The following RNF168 variants were observed in gnomAD, a reference collection of about 807,000 sequenced individuals.
The protein encoded by RNF168 is ring finger protein 168.
RNF168 carries 34 observed loss-of-function variants against 34.9 expected under a neutral mutation model. That is an observed-to-expected ratio of 0.97 (90% confidence interval 0.74 to 1.30). RNF168 has a LOEUF of 1.30. RNF168 is among the 50% of genes most tolerant of loss of function. RNF168 has a pLI of 0.00. For synonymous variants in RNF168, 264 were observed against 254.7 expected (o/e 1.04, Z -0.35); for missense variants, 725 against 682.5 (o/e 1.06, Z -0.69).
In RNF168 at chr3:196,472,088, G is replaced by C; in HGVS notation, c.1447C>G (p.Pro483Ala). The C allele has an allele frequency of 6.2e-7, 1 of 1,613,522 alleles. No homozygotes were observed. The highest frequency in any genetic ancestry group is 2.2e-5 in the East Asian group (1 of 44,886). ...CTCTGTCCATTTAGCACTTTGTCTG[G>C]AGGGGAGGATGTAGCGCGTAAGTGA... ...EYHLRATSSP[P>A]DKVLNGQRKN... Residue 483 changes from proline to alanine, a missense_variant, in exon 6 of 6, where the codon CCA (proline) becomes GCA (alanine). Physicochemically the swap from Pro to Ala is conservative, Grantham distance 27 (BLOSUM62 -1). Transcript: ENST00000318037.
At chr3:196,498,660 C>T (rs772276241) in intron 1 of RNF168, among the ~76,000 whole-genome samples, 2 of 152,052 alleles carry the variant, frequency 1.3e-5, no homozygotes, top group Non-Finnish European at 2.9e-5. Flanking sequence ...ACAGCATAGT[C>T]AATGGTGGAA....
At position 196,488,635 on chromosome 3, in the gene RNF168, C is replaced by T. The variant is rs759194563; in HGVS notation, c.350G>A (p.Arg117Lys). ...VRLLSKPGEL[R>K]REYEEEISKV... Reference sequence around the variant, plus strand: ...GCTTATTTCCTCTTCATATTCTCTTCTCAGTTCCCCAGGTTTACTGAGCAG... The same window carrying T: ...GCTTATTTCCTCTTCATATTCTCTTTTCAGTTCCCCAGGTTTACTGAGCAG... Residue 117 changes from arginine (R) to lysine (K), a missense_variant, in exon 2 of 6, where the codon AGA becomes AAA. Coordinates refer to ENST00000318037, the MANE Select transcript of RNF168 (RefSeq NM_152617.4). 2.5e-6 allele frequency: 4 copies of T among 1,607,506 alleles called. No homozygotes were observed. In the East Asian group the frequency reaches 8.9e-5, roughly 36 times the overall value.
chr3:196,500,843 C>G (rs1732864699), intron 1 of RNF168, among the ~76,000 whole-genome samples: 1 of 151,812 alleles, frequency 6.6e-6, no homozygotes, highest in African/African-American at 2.4e-5. Flanking sequence ...TCCCGAGTAG[C>G]TGGGACTACA....
Position 196,470,943 on chromosome 3 carries a change from C to T in RNF168, c.*876G>A, listed in dbSNP as rs1731983471. On this transcript the variant is annotated 3_prime_UTR_variant, in exon 6 of 6. Coordinates refer to ENST00000318037, the MANE Select transcript of RNF168 (RefSeq NM_152617.4). ...CTATAATCCCAGCACTCTGGGAGGC[C>T]GAAGCAGGTGGATCACCTGAGGACA... 1 of 151,232 alleles carries T rather than the reference C, an allele frequency of 6.6e-6. No individual in the cohort carries two copies. 9.4% of individuals were successfully genotyped at this position (151,232 alleles called of 1,614,324 possible). A position where few individuals can be genotyped will look rare whatever the true frequency, so the allele number is the denominator to read the frequency against.
At chr3:196,490,017 C>CA (rs1732556028) in intron 1 of RNF168, among the ~76,000 whole-genome samples, 1 of 152,222 alleles carries the variant, frequency 6.6e-6, no homozygotes. Context: ...TGGCAAAGCA[C>CA]AAAGGCCAGG....
intron 4 of RNF168, among the ~76,000 whole-genome samples, chr3:196,479,079 C>G (rs1321090208): frequency 6.6e-6 from 1 of 150,624 alleles, no homozygotes; most frequent in Non-Finnish European, 1.5e-5. Flanking sequence ...GGTGCAGTCT[C>G]AGCTCACTGC....
intron 2 of RNF168, among the ~76,000 whole-genome samples, chr3:196,487,912 T>C (rs942035555): frequency 2.0e-5 from 3 of 152,212 alleles, no homozygotes; most frequent in African/African-American, 7.2e-5. Context: ...TGCTTCACTA[T>C]AAACACTGCT....
chr3:196,486,024 G>A (rs1577515486), intron 3 of RNF168, among the ~76,000 whole-genome samples: 1 of 152,104 alleles, frequency 6.6e-6, no homozygotes, highest in African/African-American at 2.4e-5. Context: ...TGCCAGGCTC[G>A]TTCAAACCAC....
At chr3:196,484,427 G>A (rs1468671838) in intron 3 of RNF168, among the ~76,000 whole-genome samples, 2 of 149,284 alleles carry the variant, frequency 1.3e-5, no homozygotes. Flanking sequence ...GCCTGCCTCG[G>A]CCTCCCAAAG....
chr3:196,501,282 TTCGTA>T (rs1732878621), intron 1 of RNF168, among the ~76,000 whole-genome samples: 1 of 152,284 alleles, frequency 6.6e-6, no homozygotes, highest in South Asian at 2.1e-4. Flanking sequence ...TACATAAATG[TTCGTA>T]TCGCCAGTAT....
Position 196,472,345 on chromosome 3 carries a change from G to C in RNF168, c.1190C>G (p.Ala397Gly). ...KRKNQESSFE[A>G]VKDPCFSAKR... ...TGCAGAAAAGCATGGATCCTTGACTGCTTCAAAGGAAGATTCTTGGTTTTT... is the reference window on the plus strand; with the variant it reads ...TGCAGAAAAGCATGGATCCTTGACTCCTTCAAAGGAAGATTCTTGGTTTTT... Residue 397 changes from alanine to glycine, a missense_variant, in exon 6 of 6, where the codon GCA becomes GGA. Transcript: ENST00000318037. 6.2e-7 allele frequency: 1 copy of C among 1,614,016 alleles called. No homozygotes were observed. The highest frequency in any genetic ancestry group is 1.1e-5 in the South Asian group (1 of 91,064).
chr3:196,495,635 C>T (rs961902506), intron 1 of RNF168, among the ~76,000 whole-genome samples: 1 of 152,172 alleles, frequency 6.6e-6, no homozygotes, highest in Non-Finnish European at 1.5e-5. Context: ...CCATGGATAA[C>T]GTTAACTGTG....
chr3:196,489,395 C>T (rs1472235663), intron 1 of RNF168, among the ~76,000 whole-genome samples: 1 of 151,588 alleles, frequency 6.6e-6, no homozygotes, highest in African/African-American at 2.4e-5. Context: ...GGTGCAATCT[C>T]AGCTCACTGC....
intron 4 of RNF168, among the ~76,000 whole-genome samples, chr3:196,475,552 C>CTTTTT (rs771089639): frequency 4.5e-5 from 6 of 133,448 alleles, no homozygotes; most frequent in African/African-American, 5.7e-5. Context: ...AATATTTTTT[C>CTTTTT]TTTTTTTTTT....
At chr3:196,499,196 G>A (rs1315139391) in intron 1 of RNF168, among the ~76,000 whole-genome samples, 2 of 152,002 alleles carry the variant, frequency 1.3e-5, no homozygotes, top group East Asian at 3.9e-4. Context: ...GAGACACAGA[G>A]GAGACGGCCA....
chr3:196,472,825 AGATG>A lies in RNF168; in HGVS notation c.763-57_763-54del. ...AACCAGGGGAAAATATCAAATCATA[AGATG>A]TAAGTCTAATTACACTGATACTACA... On this transcript the variant is annotated intron_variant, in intron 5 of 5. Transcript: ENST00000318037. 4 of 1,077,634 alleles carry A rather than the reference AGATG, an allele frequency of 3.7e-6. No individual in the cohort carries two copies. In the Admixed American group the frequency reaches 6.8e-5, roughly 18 times the overall value. 66.8% of individuals were successfully genotyped at this position (1,077,634 alleles called of 1,614,324 possible).
At chr3:196,485,430 C>T (rs1468084673) in intron 3 of RNF168, among the ~76,000 whole-genome samples, 3 of 151,740 alleles carry the variant, frequency 2.0e-5, no homozygotes, top group Non-Finnish European at 4.4e-5. Context: ...TCGCTTGAAC[C>T]GGGAGTTGAG....
At chr3:196,484,671 T>TGAGACA (rs1353931616) in intron 3 of RNF168, among the ~76,000 whole-genome samples, 21 of 152,046 alleles carry the variant, frequency 1.4e-4, no homozygotes, top group African/African-American at 4.8e-4. Flanking sequence ...TGTTTTATTT[T>TGAGACA]GAGACAGAGT....
chr3:196,489,349 C>A, intron 1 of RNF168, among the ~76,000 whole-genome samples: 1 of 148,772 alleles, frequency 6.7e-6, no homozygotes, highest in African/African-American at 2.5e-5. Context: ...TTTTTTGAGA[C>A]AGAGTCTTGC....
Sources: allele counts gnomAD v4.1 joint callset (sites outside exome capture counted in the v4.1 genomes callset), GRCh38; gene constraint gnomAD v4.1.1; transcripts MANE v1.5; gene names NCBI Gene and HGNC (gene_info 2026-07-23, HGNC 2026-07-21).